Variants in RAB38 observed in about 807,000 individuals in gnomAD.
The protein encoded by RAB38 is RAB38, member RAS oncogene family, also known as ras-related protein Rab-38.
Under a neutral mutation model 18.4 loss-of-function variants are expected in RAB38, and 15 were observed. The observed-to-expected ratio is 0.82, with a 90% CI of 0.55 to 1.26. RAB38 has a LOEUF of 1.26. Among genes scored for constraint, RAB38 ranks in the 50% most tolerant of loss-of-function variants. RAB38 has a pLI of 0.00. For missense variants in RAB38, 294 were observed against 267.4 expected (o/e 1.10, Z -0.69); for synonymous variants, 101 against 104.4 (o/e 0.97, Z 0.20).
the RAB38 span, among the ~76,000 whole-genome samples, chr11:87,875,277 T>G: frequency 9.9e-5 from 15 of 151,584 alleles, no homozygotes; most frequent in African/African-American, 3.6e-4. Context: ...AACATTATAT[T>G]GCAGTCCACA....
intron 1 of RAB38, among the ~76,000 whole-genome samples, chr11:88,169,157 A>G (rs534639179): frequency 2.6e-4 from 39 of 152,320 alleles, no homozygotes; most frequent in African/African-American, 9.4e-4. Context: ...GACTGGTGAC[A>G]TATGAGGGTC....
chr11:87,933,386 A>G, the RAB38 span, among the ~76,000 whole-genome samples: 1 of 152,096 alleles, frequency 6.6e-6, no homozygotes. Context: ...CACAGAATAC[A>G]TGAGTAGAAC....
chr11:88,047,574 C>T, the RAB38 span, among the ~76,000 whole-genome samples: 1 of 152,202 alleles, frequency 6.6e-6, no homozygotes, highest in Non-Finnish European at 1.5e-5. Flanking sequence ...ATATGCTTTC[C>T]ATATCCTGCA....
At chr11:88,096,930 GTTTTATTTTGTAAAATAAAAAAACACA>G in the RAB38 span, among the ~76,000 whole-genome samples, 1,411 of 151,398 alleles carry the variant, frequency 9.3e-3, 20 homozygotes, top group African/African-American at 0.032. Context: ...TTTCATATCT[GTTTTATTTTGTAAAATAAAAAAACACA>G]TTTCTTTATC....
chr11:87,911,676 A>G, the RAB38 span, among the ~76,000 whole-genome samples: 1 of 151,952 alleles, frequency 6.6e-6, no homozygotes, highest in Admixed American at 6.6e-5. Context: ...AGATATCTTT[A>G]CATCTTTCTT....
the RAB38 span, among the ~76,000 whole-genome samples, chr11:87,934,742 G>A: frequency 8.7e-4 from 132 of 151,684 alleles, 1 homozygote; most frequent in African/African-American, 2.9e-3. Context: ...GTCTGATCAG[G>A]AAAAAAGAAA....
the RAB38 span, among the ~76,000 whole-genome samples, chr11:87,906,302 T>C: frequency 6.6e-6 from 1 of 151,946 alleles, no homozygotes; most frequent in East Asian, 1.9e-4. Context: ...CATTGGTCCT[T>C]AAGAACCCAA....
At chr11:88,125,265 T>C (rs894376642) in intron 2 of RAB38, among the ~76,000 whole-genome samples, 42 of 152,284 alleles carry the variant, frequency 2.8e-4, no homozygotes, top group African/African-American at 1.0e-3. Context: ...TGGCTACAAC[T>C]GAACTCTCCT....
the RAB38 span, among the ~76,000 whole-genome samples, chr11:88,072,433 C>G: frequency 6.6e-6 from 1 of 152,078 alleles, no homozygotes; most frequent in Non-Finnish European, 1.5e-5. Context: ...CATCACAGAA[C>G]TGTGAGATAC....
At chr11:87,944,846 TTTTG>T in the RAB38 span, among the ~76,000 whole-genome samples, 16 of 152,138 alleles carry the variant, frequency 1.1e-4, no homozygotes, top group South Asian at 8.3e-4. Flanking sequence ...TTGGGGGTGT[TTTTG>T]TTTGTTTGTT....
the RAB38 span, among the ~76,000 whole-genome samples, chr11:88,050,466 C>T: frequency 3.9e-5 from 6 of 152,156 alleles, no homozygotes; most frequent in Admixed American, 6.5e-5. Context: ...CATGATTGTA[C>T]GTATGCCTAC....
chr11:87,951,296 AT>A, the RAB38 span, among the ~76,000 whole-genome samples: 33 of 149,052 alleles, frequency 2.2e-4, no homozygotes, highest in East Asian at 3.9e-4. Flanking sequence ...CATTCTTCTA[AT>A]TTTTTTTTTC....
At chr11:87,865,430 A>G in the RAB38 span, among the ~76,000 whole-genome samples, 18 of 151,816 alleles carry the variant, frequency 1.2e-4, no homozygotes, top group African/African-American at 4.3e-4. Flanking sequence ...AAGATGGAGG[A>G]AGTGGTCACA....
chr11:88,029,042 T>C, the RAB38 span, among the ~76,000 whole-genome samples: 46 of 152,088 alleles, frequency 3.0e-4, 1 homozygote, highest in South Asian at 6.6e-3. Flanking sequence ...CGGCAGAAAC[T>C]CTACAAGCCA....
At chr11:87,974,900 C>T in the RAB38 span, among the ~76,000 whole-genome samples, 2 of 151,886 alleles carry the variant, frequency 1.3e-5, no homozygotes, top group Non-Finnish European at 2.9e-5. Flanking sequence ...CCTACCGTAA[C>T]AAACTACCAC....
At chr11:87,953,030 T>C in the RAB38 span, among the ~76,000 whole-genome samples, 1 of 152,098 alleles carries the variant, frequency 6.6e-6, no homozygotes, top group African/African-American at 2.4e-5. Context: ...TTTTTAAAAA[T>C]TCTATAAAGT....
chr11:88,055,117 G>A, the RAB38 span, among the ~76,000 whole-genome samples: 2 of 152,172 alleles, frequency 1.3e-5, no homozygotes, highest in Non-Finnish European at 2.9e-5. Flanking sequence ...TGTGACTGCA[G>A]TACCAGCTAT....
At chr11:87,910,484 A>G in the RAB38 span, among the ~76,000 whole-genome samples, 1 of 151,852 alleles carries the variant, frequency 6.6e-6, no homozygotes. Flanking sequence ...TTTTTAATTC[A>G]TTCTTTTATG....
the RAB38 span, among the ~76,000 whole-genome samples, chr11:87,901,546 T>C: frequency 6.6e-6 from 1 of 151,588 alleles, no homozygotes; most frequent in Non-Finnish European, 1.5e-5. Context: ...CATGGAAGCA[T>C]ATTTCCTAAG....
Sources: gnomAD v4.1 joint callset for allele counts (sites outside exome capture counted in the v4.1 genomes callset) on GRCh38, gnomAD v4.1.1 for gene constraint, MANE v1.5 for transcripts, NCBI Gene and HGNC (gene_info 2026-07-23, HGNC 2026-07-21) for gene names.